CUL2: variants seen among roughly 807,000 people sequenced by gnomAD.
The protein encoded by CUL2 is cullin 2.
A neutral mutation model predicts 110.2 loss-of-function variants in CUL2; 22 were observed. That is an observed-to-expected ratio of 0.20 (90% confidence interval 0.14 to 0.28). The LOEUF (loss-of-function observed/expected upper bound fraction) is 0.28, where lower values mean the gene tolerates loss of function less well. Among genes scored for constraint, CUL2 ranks in the 10% least tolerant of loss-of-function variants. The pLI is 1.00. For synonymous variants in CUL2, 279 were observed against 293.2 expected (o/e 0.95, Z 0.49); for missense variants, 631 against 905.5 (o/e 0.70, Z 3.89).
At chr10:35,116,543 G>A (rs909264925) in intron 1 of CUL2, among the ~76,000 whole-genome samples, 1 of 151,698 alleles carries the variant, frequency 6.6e-6, no homozygotes, top group Non-Finnish European at 1.5e-5. Context: ...TTTTTTTTGT[G>A]ATCTCGTTTA....
chr10:35,104,748 G>A (rs1375834229), intron 1 of CUL2, among the ~76,000 whole-genome samples: 1 of 151,780 alleles, frequency 6.6e-6, no homozygotes, highest in East Asian at 1.9e-4. Context: ...TTTCTGGGGG[G>A]GGGACAGTCT....
At chr10:35,054,399 A>G (rs2086192645) in intron 5 of CUL2, 35 bp downstream of exon 5, 1 of 1,162,820 alleles carries the variant, frequency 8.6e-7, no homozygotes, top group Admixed American at 2.2e-5. Context: ...ATAAAAACAT[A>G]CTTATGTTTG....
At chr10:35,012,052 ACT>A in intron 19 of CUL2, 88 bp from the exon 20 acceptor site, 2 of 696,670 alleles carry the variant, frequency 2.9e-6, no homozygotes, top group Non-Finnish European at 4.6e-6. Flanking sequence ...GAGTGCAAAT[ACT>A]TTTTTTTTTT....
intron 6 of CUL2, among the ~76,000 whole-genome samples, chr10:35,046,818 G>C (rs2085954502): frequency 6.6e-6 from 1 of 152,142 alleles, no homozygotes; most frequent in Admixed American, 6.6e-5. Flanking sequence ...GCTTGAACCT[G>C]GGAGGAGGAG....
intron 20 of CUL2, among the ~76,000 whole-genome samples, chr10:35,011,203 ATTTTTTAATTTTTT>A (rs2084892246): frequency 1.4e-5 from 2 of 142,496 alleles, no homozygotes; most frequent in African/African-American, 5.1e-5. Flanking sequence ...TAATTTTTTA[ATTTTTTAATTTTTT>A]TTTTTTTTTT....
chr10:35,052,401 C>T (rs931004804), intron 5 of CUL2, among the ~76,000 whole-genome samples: 1 of 152,172 alleles, frequency 6.6e-6, no homozygotes, highest in African/African-American at 2.4e-5. Flanking sequence ...TCGACAGAGG[C>T]TCCACTTCCT....
At chr10:35,053,312 C>T (rs1360510198) in intron 5 of CUL2, among the ~76,000 whole-genome samples, 1 of 152,178 alleles carries the variant, frequency 6.6e-6, no homozygotes, top group Non-Finnish European at 1.5e-5. Context: ...TCTATATCAT[C>T]TTTTCCCTAT....
At chr10:35,022,587 T>C (rs1250989345) in intron 17 of CUL2, among the ~76,000 whole-genome samples, 1 of 152,172 alleles carries the variant, frequency 6.6e-6, no homozygotes, top group East Asian at 1.9e-4. Context: ...GTATCTTCAA[T>C]ACACATAGCG....
intron 1 of CUL2, among the ~76,000 whole-genome samples, chr10:35,106,041 C>T (rs1041616699): frequency 1.3e-5 from 2 of 152,044 alleles, no homozygotes; most frequent in Non-Finnish European, 2.9e-5. Flanking sequence ...AAAATGCGTT[C>T]CCCCAAAATT....
intron 5 of CUL2, among the ~76,000 whole-genome samples, chr10:35,052,590 T>C (rs1312223648): frequency 6.6e-6 from 1 of 152,150 alleles, no homozygotes; most frequent in Admixed American, 6.6e-5. Flanking sequence ...GCAGTGTTGT[T>C]TGTAATAACA....
At chr10:35,050,384 T>C (rs969093714) in intron 5 of CUL2, among the ~76,000 whole-genome samples, 1 of 152,134 alleles carries the variant, frequency 6.6e-6, no homozygotes, top group Non-Finnish European at 1.5e-5. Flanking sequence ...AAATGGGCTA[T>C]AGATACCTAG....
intron 10 of CUL2, among the ~76,000 whole-genome samples, chr10:35,034,808 G>A (rs1376429377): frequency 6.6e-6 from 1 of 152,108 alleles, no homozygotes; most frequent in Non-Finnish European, 1.5e-5. Context: ...GAGGCAAATT[G>A]CAAGTCGTCT....
rs541621836 is a variant in CUL2, at chr10:35,103,299, G to A, written c.-50-2239C>T. 8.6e-5 allele frequency among the ~76,000 whole-genome samples: 12 copies of A among 139,568 alleles called. No homozygotes were observed. In the South Asian group the frequency reaches 2.9e-3, roughly 34 times the overall value. The allele number at this position is 139,568 out of a possible 152,430, so 91.6% of individuals were successfully genotyped here. A position where few individuals can be genotyped will look rare whatever the true frequency, so the allele number is the denominator to read the frequency against. ...CTGGGACACAGGCGCCCGCCACCAG[G>A]CCAAGCTAATTTTTTTTTTTTTTTT... is the stretch of plus-strand genomic sequence containing the variant. On this transcript the variant is annotated intron_variant, in intron 1 of 5. Coordinates refer to the CUL2 transcript ENST00000685421.
chr10:35,063,538 T>C (rs985069498), intron 2 of CUL2, among the ~76,000 whole-genome samples: 5 of 152,156 alleles, frequency 3.3e-5, no homozygotes, highest in Non-Finnish European at 5.9e-5. Flanking sequence ...TCCTACATCA[T>C]AGCAGTCAGG....
rs536885394 is a variant in CUL2, at chr10:35,077,643, C to A, written c.-22-6304G>T. Among the ~76,000 whole-genome samples, 10 of 151,594 alleles carry A rather than the reference C, an allele frequency of 6.6e-5. No individual in the cohort carries two copies. In the East Asian group the frequency reaches 1.9e-3, roughly 29 times the overall value. ...GACCAGCCTGACCAACATGGAGAAA[C>A]CCGGTCTCTACTAAAAATACAAAAT... On this transcript the variant is annotated intron_variant, in intron 1 of 20. Transcript: ENST00000374749.
intron 1 of CUL2, among the ~76,000 whole-genome samples, chr10:35,078,989 A>C (rs1356532542): frequency 2.0e-5 from 3 of 152,192 alleles, no homozygotes; most frequent in Non-Finnish European, 4.4e-5. Context: ...AAATGCATAA[A>C]ATGAGAAAAT....
intron 1 of CUL2, among the ~76,000 whole-genome samples, chr10:35,123,494 A>T (rs2087701731): frequency 6.6e-6 from 1 of 152,218 alleles, no homozygotes; most frequent in Non-Finnish European, 1.5e-5. Flanking sequence ...AATAAAAAAA[A>T]AAGGGATGGA....
At chr10:35,042,485 T>C (rs1414201689) in intron 8 of CUL2, among the ~76,000 whole-genome samples, 1 of 152,196 alleles carries the variant, frequency 6.6e-6, no homozygotes, top group Non-Finnish European at 1.5e-5. Context: ...ATTTCTCTCC[T>C]ACTCTCCTTT....
intron 2 of CUL2, chr10:35,064,031 T>C (rs184874934): frequency 1.3e-5 from 2 of 152,302 alleles, no homozygotes; most frequent in Admixed American, 6.5e-5. Context: ...CTGGTGGTTA[T>C]ACTCCAGACT....
Sources: allele counts gnomAD v4.1 joint callset (sites outside exome capture counted in the v4.1 genomes callset), GRCh38; gene constraint gnomAD v4.1.1; transcripts MANE v1.5; gene names NCBI Gene and HGNC (gene_info 2026-07-23, HGNC 2026-07-21).